The following SLC25A21 variants were observed in gnomAD, a reference collection of about 807,000 sequenced individuals.
The protein encoded by SLC25A21 is solute carrier family 25 member 21, also known as mitochondrial 2-oxodicarboxylate carrier.
A neutral mutation model predicts 43.8 loss-of-function variants in SLC25A21; 47 were observed. That is an observed-to-expected ratio of 1.07 (90% CI 0.85 to 1.37). The LOEUF (loss-of-function observed/expected upper bound fraction) is 1.37, where lower values mean the gene tolerates loss of function less well. SLC25A21 is among the 40% of genes most tolerant of loss of function. SLC25A21 has a pLI of 0.00. For synonymous variants in SLC25A21, 131 were observed against 121.3 expected (o/e 1.08, Z -0.52); for missense variants, 352 against 350.2 (o/e 1.00, Z -0.04).
chr14:36,886,154 A>G (rs578139180), intron 1 of SLC25A21, among the ~76,000 whole-genome samples: 1 of 152,188 alleles, frequency 6.6e-6, no homozygotes, highest in Non-Finnish European at 1.5e-5. Context: ...ACAACATCCT[A>G]TTTGATAGCC....
chr14:36,946,505 T>C (rs561563727), intron 1 of SLC25A21, among the ~76,000 whole-genome samples: 5 of 152,272 alleles, frequency 3.3e-5, no homozygotes, highest in African/African-American at 1.2e-4. Context: ...GAAAGTTTAG[T>C]GTTTGTGTCC....
At chr14:36,872,634 G>T (rs558434677) in intron 2 of SLC25A21, among the ~76,000 whole-genome samples, 1 of 152,154 alleles carries the variant, frequency 6.6e-6, no homozygotes, top group Non-Finnish European at 1.5e-5. Flanking sequence ...TTATCATTAT[G>T]CAGGTCAAAT....
At position 36,715,791 on chromosome 14, in the gene SLC25A21, T is replaced by G. The variant is rs1884102391; in HGVS notation, c.439-4309A>C. ...CTGCTTAAAAAGTTATTAAGAGGTTTAATTAAAAAAGCAGATCCTTGGCTG... is the reference window on the plus strand; with the variant it reads ...CTGCTTAAAAAGTTATTAAGAGGTTGAATTAAAAAAGCAGATCCTTGGCTG... On this transcript the variant is annotated intron_variant, in intron 6 of 9. Coordinates refer to ENST00000331299, the MANE Select transcript of SLC25A21 (RefSeq NM_030631.4). 2.0e-5 allele frequency among the ~76,000 whole-genome samples: 3 copies of G among 152,208 alleles called. No individual in the cohort carries two copies. The South Asian group carries it at 6.2e-4, about 32-fold the overall frequency.
intron 1 of SLC25A21, among the ~76,000 whole-genome samples, chr14:37,146,454 C>T (rs1022599033): frequency 1.3e-5 from 2 of 152,230 alleles, no homozygotes; most frequent in African/African-American, 4.8e-5. Context: ...ACCATGTTAC[C>T]CAGCCTGGTC....
intron 8 of SLC25A21, 33 bp downstream of exon 8, chr14:36,684,711 T>C (rs1594484955): frequency 1.9e-6 from 3 of 1,573,138 alleles, no homozygotes; most frequent in Non-Finnish European, 1.7e-6. Flanking sequence ...GTGAGCCTCA[T>C]ACATTTATTA....
chr14:36,736,786 T>G (rs982447212), intron 3 of SLC25A21, among the ~76,000 whole-genome samples: 1 of 152,222 alleles, frequency 6.6e-6, no homozygotes, highest in Non-Finnish European at 1.5e-5. Context: ...ATGGTGAACA[T>G]GATGGATCTT....
chr14:36,707,546 T>C (rs1883629685), intron 7 of SLC25A21, among the ~76,000 whole-genome samples: 1 of 152,138 alleles, frequency 6.6e-6, no homozygotes, highest in Admixed American at 6.5e-5. Context: ...GAATCACTTA[T>C]TTACTAGTAC....
intron 1 of SLC25A21, among the ~76,000 whole-genome samples, chr14:37,166,969 C>T (rs548360385): frequency 6.6e-6 from 1 of 152,138 alleles, no homozygotes; most frequent in Admixed American, 6.5e-5. Context: ...TCAGATTGTT[C>T]CCTTATCTCC....
At chr14:36,863,021 T>C (rs1360594475) in intron 2 of SLC25A21, among the ~76,000 whole-genome samples, 2 of 152,194 alleles carry the variant, frequency 1.3e-5, no homozygotes, top group Non-Finnish European at 2.9e-5. Flanking sequence ...GGTAAAACCC[T>C]GAACGGGGAC....
chr14:36,843,083 G>A (rs2138502230), intron 2 of SLC25A21, among the ~76,000 whole-genome samples: 1 of 152,244 alleles, frequency 6.6e-6, no homozygotes. Flanking sequence ...GATCTGACAG[G>A]AGATACAGCT....
At chr14:36,680,825 G>C in intron 9 of SLC25A21, 106 bp from the exon 10 acceptor site, 1 of 939,518 alleles carries the variant, frequency 1.1e-6, no homozygotes, top group Non-Finnish European at 1.6e-6. Flanking sequence ...GTCAGGCAGA[G>C]GCTGTTCGGA....
chr14:36,879,434 G>C lies in SLC25A21; in HGVS notation c.71-4430C>G, dbSNP rs559064540. ...TAAAAATTAGAAAAGCCCCAAAGCA[G>C]ACTGATACTGTAAATTTAATATATT... On this transcript the variant is annotated intron_variant, in intron 1 of 9. Transcript: ENST00000331299. Among the ~76,000 whole-genome samples, 8 of 152,242 alleles carry C rather than the reference G, an allele frequency of 5.3e-5. No individual in the cohort carries two copies. In the South Asian group the frequency reaches 1.7e-3, roughly 32 times the overall value.
At chr14:36,751,002 C>T (rs900355711) in intron 3 of SLC25A21, among the ~76,000 whole-genome samples, 5 of 152,198 alleles carry the variant, frequency 3.3e-5, no homozygotes, top group African/African-American at 1.2e-4. Context: ...AGTTCATACC[C>T]CCGAAGATGG....
At chr14:36,811,591 G>A (rs746936873) in intron 3 of SLC25A21, among the ~76,000 whole-genome samples, 43 of 152,168 alleles carry the variant, frequency 2.8e-4, no homozygotes, top group Non-Finnish European at 5.1e-4. Flanking sequence ...GGCAGAGGTT[G>A]CAGTGAGCAG....
chr14:36,814,376 T>TATCCTA (rs3985279), intron 2 of SLC25A21, among the ~76,000 whole-genome samples: 2 of 151,992 alleles, frequency 1.3e-5, no homozygotes, highest in African/African-American at 2.4e-5. Context: ...TGCTATTTCT[T>TATCCTA]ATAAGTCTTC....
chr14:36,780,256 TTTTG>T (rs61187612), intron 3 of SLC25A21, among the ~76,000 whole-genome samples: 2,927 of 152,022 alleles, frequency 0.019, 104 homozygotes, highest in African/African-American at 0.067. Flanking sequence ...GGCTTCTCAA[TTTTG>T]TTTATCTTTT....
chr14:36,713,216 C>A (rs1262159277), intron 6 of SLC25A21, among the ~76,000 whole-genome samples: 1 of 152,126 alleles, frequency 6.6e-6, no homozygotes, highest in African/African-American at 2.4e-5. Context: ...AAATAAAGTG[C>A]AAATGACAAT....
chr14:36,731,063 C>T (rs551287309), intron 4 of SLC25A21, among the ~76,000 whole-genome samples: 58 of 151,650 alleles, frequency 3.8e-4, no homozygotes, highest in Admixed American at 1.5e-3. Flanking sequence ...AGCTCCGCCT[C>T]CCGGGTTCAC....
intron 1 of SLC25A21, among the ~76,000 whole-genome samples, chr14:37,152,405 A>T (rs1401946167): frequency 1.2e-5 from 1 of 85,370 alleles, no homozygotes; most frequent in Non-Finnish European, 2.4e-5. Context: ...TTTTTTTGAC[A>T]GAGTCTCGCT....
Sources: gnomAD v4.1 joint callset for allele counts (sites outside exome capture counted in the v4.1 genomes callset) on GRCh38, gnomAD v4.1.1 for gene constraint, MANE v1.5 for transcripts, NCBI Gene and HGNC (gene_info 2026-07-23, HGNC 2026-07-21) for gene names.